Variants in SRCAP observed in about 807,000 individuals in gnomAD.
SRCAP encodes chromatin remodeling protein SRCAP.
In SRCAP, 46 loss-of-function variants were observed where a neutral mutation model predicts 263.1. That is an observed-to-expected ratio of 0.17 (90% CI 0.14 to 0.22). The LOEUF (loss-of-function observed/expected upper bound fraction) is 0.22, where lower values mean the gene tolerates loss of function less well. Among genes scored for constraint, SRCAP ranks in the 10% least tolerant of loss-of-function variants. The probability of loss-of-function intolerance (pLI) is 1.00; values close to 1 mark genes in which losing one functional copy is unlikely to be tolerated. For missense variants in SRCAP, 3,695 were observed against 4,181.9 expected (o/e 0.88, Z 3.21); for synonymous variants, 1,813 against 1,662.1 (o/e 1.09, Z -2.21).
chr16:30,710,732 T>C lies in SRCAP; in HGVS notation c.1135-22T>C, dbSNP rs752528386. 1.9e-6 allele frequency: 3 copies of C among 1,613,134 alleles called. No homozygotes were observed. In the African/African-American group the frequency reaches 4.0e-5, roughly 22 times the overall value. ...GCTACTGTAACCTTAGACCCTTCCC[T>C]TTTTTATCTTTTGCCATACAGATAA... On this transcript the variant is annotated intron_variant, in intron 8 of 33. Coordinates refer to ENST00000262518, the MANE Select transcript of SRCAP (RefSeq NM_006662.3).
rs552005795 is a variant in SRCAP at position 30,705,162 on chromosome 16, G to A, written c.306+847G>A. Among the ~76,000 whole-genome samples the A allele has an allele frequency of 8.1e-4, 124 of 152,258 alleles. 2 individuals carry two copies. Among genetic ancestry groups the A allele is most frequent in the Middle Eastern group, 3.4e-3 (1 of 294 alleles). ...CTAAAAATACAAAAATTAGCCTGGC[G>A]TGGTGGCGCAGGCCTGTAGTCCTAG... is the stretch of plus-strand genomic sequence containing the variant. On this transcript the variant is annotated intron_variant, in intron 4 of 33. Transcript: ENST00000262518.
chr16:30,701,174 A>G (rs1455126017), intron 3 of SRCAP, among the ~76,000 whole-genome samples: 1 of 152,186 alleles, frequency 6.6e-6, no homozygotes, highest in Non-Finnish European at 1.5e-5. Flanking sequence ...AGAATAGTTT[A>G]ACTTCTATCA....
intron 2 of SRCAP, 62 bp from the exon 3 acceptor site, chr16:30,700,554 A>G (rs1395472228): frequency 2.8e-6 from 1 of 357,056 alleles, no homozygotes. Context: ...TTTTTTAAAA[A>G]TACTTTTTCA....
chr16:30,716,730 T>A (rs1192295158), intron 18 of SRCAP, among the ~76,000 whole-genome samples: 1 of 152,218 alleles, frequency 6.6e-6, no homozygotes, highest in South Asian at 2.1e-4. Context: ...TGATTCAGCT[T>A]ACAATTTTTT....
rs2053216356 is a variant in SRCAP, at chr16:30,740,763, TCCTCCTGTTGACTCTGTGCTTA to T, written c.*1035_*1056del. ...GTTCACTCCCTGGGCCCTCCTTGTG[TCCTCCTGTTGACTCTGTGCTTA>T]CCTCATCTGAGTTATTTCTTTGTAT... On this transcript the variant is annotated 3_prime_UTR_variant, in exon 34 of 34. Transcript: ENST00000262518. 2.0e-5 allele frequency: 3 copies of T among 152,234 alleles called. No individual in the cohort carries two copies. Among genetic ancestry groups the T allele is most frequent in the African/African-American group, 7.2e-5 (3 of 41,456 alleles). 9.4% of individuals were successfully genotyped at this position (152,234 alleles called of 1,614,324 possible). A position where few individuals can be genotyped will look rare whatever the true frequency, so the allele number is the denominator to read the frequency against.
Position 30,724,466 on chromosome 16 carries a change from T to C in SRCAP, c.5042T>C (p.Leu1681Pro), listed in dbSNP as rs945468469. ...CCGAGCCCGGCTTCTACGCAGACAC[T>C]GGCCCTAGCCCCAGCTTTAGCACCC... The part of the protein sequence containing the change: ...PLPSPASTQT[L>P]ALAPALAPTL... The change falls in exon 25 of 34, where the codon CTG becomes CCG. Residue 1681 changes from leucine (L) to proline (P), a missense_variant. By Grantham distance (98) the Leu-to-Pro change is moderately conservative. Around this residue, in one of 12 missense-constraint regions of SRCAP, gnomAD observed 1,347 missense variants for 1,304.4 expected, o/e 1.03. Transcript: ENST00000262518. 1.7e-5 allele frequency: 27 copies of C among 1,614,094 alleles called. No individual in the cohort carries two copies. Among genetic ancestry groups the C allele is most frequent in the Non-Finnish European group, 2.2e-5 (26 of 1,180,038 alleles).
intron 4 of SRCAP, 48 bp from the exon 5 acceptor site, chr16:30,707,135 T>A (rs558804928): frequency 5.7e-6 from 9 of 1,587,572 alleles, no homozygotes; most frequent in Non-Finnish European, 7.8e-6. Flanking sequence ...GGCAGTGAGA[T>A]GGAGTGTGTG....
At position 30,737,624 on chromosome 16, in the gene SRCAP, G is replaced by C. The variant is rs776015540; in HGVS notation, c.7584G>C (p.Leu2528Phe). 20 of 1,613,672 alleles carry C rather than the reference G, an allele frequency of 1.2e-5. No individual in the cohort carries two copies. The highest frequency in any genetic ancestry group is 1.5e-5 in the Non-Finnish European group (18 of 1,180,026). The change falls in exon 34 of 34, where the codon TTG becomes TTC. Residue 2528 changes from leucine to phenylalanine, a missense_variant. Leu to Phe is a conservative substitution (Grantham distance 22). This residue lies in a region of SRCAP where 1,207 missense variants were observed against 1,142.9 expected (regional missense o/e 1.06). Transcript: ENST00000262518. ...TTGTAACTCCTTCCTCTCCTCTCTT[G>C]CTTGGTCCACCTTCTGTGCCCATCT... ...TCLVTPSSPL[L>F]LGPPSVPISA...
chr16:30,721,356 C>CCTG lies in SRCAP; in HGVS notation c.3429_3431dup (p.Ala1144dup). 6.2e-7 allele frequency: 1 copy of CCTG among 1,614,156 alleles called. No individual in the cohort carries two copies. The highest frequency in any genetic ancestry group is 8.5e-7 in the Non-Finnish European group (1 of 1,180,042). On this transcript the variant is annotated inframe_insertion, in exon 21 of 34. Coordinates refer to ENST00000262518, the MANE Select transcript of SRCAP (RefSeq NM_006662.3). ...AGTGCCACCAGGCTACACCTTCCCT[C>CCTG]CTGCTGCTGCCACCACCACTTCTAC...
chr16:30,733,887 C>G lies in SRCAP; in HGVS notation c.6495-7C>G. On this transcript the variant is annotated splice_polypyrimidine_tract_variant and splice_region_variant and intron_variant, in intron 29 of 33. Transcript: ENST00000262518. The surrounding 1 kb of genome is among the most constrained non-coding windows in gnomAD (Gnocchi z 5.3). ...GCTGCTTACACACGGCCTTCATCAC[C>G]CCCTAGGCTTATCAGTGAACGGACA... 1 of 1,613,914 alleles carries G rather than the reference C, an allele frequency of 6.2e-7. No homozygotes were observed. Among genetic ancestry groups the G allele is most frequent in the Non-Finnish European group, 8.5e-7 (1 of 1,179,896 alleles).
intron 1 of SRCAP, 142 bp downstream of exon 1, chr16:30,699,384 T>A: frequency 2.5e-6 from 1 of 393,928 alleles, no homozygotes; most frequent in East Asian, 3.6e-5. Flanking sequence ...CGCGTGGTTC[T>A]TGGCAGTGCG....
chr16:30,733,712 T>C lies in SRCAP; in HGVS notation c.6408T>C (p.Tyr2136=). 2 of 1,614,212 alleles carry C rather than the reference T, an allele frequency of 1.2e-6. No homozygotes were observed. The highest frequency in any genetic ancestry group is 1.7e-6 in the Non-Finnish European group (2 of 1,180,044). Residue 2136 remains tyrosine, a synonymous_variant, in exon 29 of 34, where the codon TAT becomes TAC. Coordinates refer to ENST00000262518, the MANE Select transcript of SRCAP (RefSeq NM_006662.3). This position sits in a 1 kb window ranked among gnomAD's most constrained non-coding sequence, Gnocchi z 5.3. ...CAGGAGCAGACACTGTTGTTTTTTATGACAGCGACTGGAATCCCACCATGG... is the reference window on the plus strand; with the variant it reads ...CAGGAGCAGACACTGTTGTTTTTTACGACAGCGACTGGAATCCCACCATGG... ...NLTGADTVVF[Y]DSDWNPTMDA...
rs1481223252 is a variant in SRCAP at position 30,739,095 on chromosome 16, C to T, written c.9055C>T (p.Pro3019Ser). Residue 3019 changes from proline to serine, a missense_variant, in exon 34 of 34, where the codon CCC (proline) becomes TCC (serine). Pro to Ser is a moderately conservative substitution (Grantham distance 74). Coordinates refer to ENST00000262518, the MANE Select transcript of SRCAP (RefSeq NM_006662.3). ...TCCCAAGAATCCTCCATCACCTCGG[C>T]CCAGCCAGCTCCCCGTCTTGGACCG... ...RPPKNPPSPR[P>S]SQLPVLDRDS... The T allele has an allele frequency of 6.2e-7, 1 of 1,614,230 alleles. No individual in the cohort carries two copies.
Position 30,709,627 on chromosome 16 carries a change from A to C in SRCAP, c.748A>C (p.Ser250Arg). The change falls in exon 7 of 34, where the codon AGC (serine) becomes CGC (arginine). Residue 250 changes from serine to arginine, a missense_variant. Coordinates refer to ENST00000262518, the MANE Select transcript of SRCAP (RefSeq NM_006662.3). The part of the protein sequence containing the change: ...TEKYSDLLSQ[S>R]LNQPLTSSKA... ...AAAGTACTCGGACCTTCTGTCTCAG[A>C]GCCTCAACCAGCCATTAACCTCCAG... The C allele has an allele frequency of 6.2e-7, 1 of 1,614,160 alleles. No individual in the cohort carries two copies. The highest frequency in any genetic ancestry group is 8.5e-7 in the Non-Finnish European group (1 of 1,180,028).
chr16:30,737,291 C>T lies in SRCAP; in HGVS notation c.7251C>T (p.Ala2417=). The T allele has an allele frequency of 6.2e-6, 10 of 1,614,024 alleles. No individual in the cohort carries two copies. The South Asian group carries it at 1.1e-4, about 18-fold the overall frequency. The change falls in exon 34 of 34, where the codon GCC becomes GCT. Residue 2417 remains alanine, a synonymous_variant. Transcript: ENST00000262518. ...CAAACCACACTCCTGTCATATCCGC[C>T]CATCAAACTCGCAGCACCACCACAC... ...QGANHTPVIS[A]HQTRSTTTPP... is the part of the protein sequence containing the mutation.
chr16:30,706,606 T>C (rs953855858), intron 4 of SRCAP, among the ~76,000 whole-genome samples: 7 of 152,234 alleles, frequency 4.6e-5, no homozygotes, highest in African/African-American at 1.7e-4. Context: ...ATTTCACGTA[T>C]AACGTTTCAG....
At chr16:30,717,110 C>T (rs959553880) in intron 18 of SRCAP, among the ~76,000 whole-genome samples, 7 of 152,096 alleles carry the variant, frequency 4.6e-5, no homozygotes, top group East Asian at 1.9e-4. Flanking sequence ...TTGCCATTAC[C>T]TGTTATTTCT....
At chr16:30,711,186 G>A in intron 10 of SRCAP, 98 bp downstream of exon 10, 1 of 888,954 alleles carries the variant, frequency 1.1e-6, no homozygotes, top group Non-Finnish European at 1.8e-6. Context: ...TATCCACCCT[G>A]GAGGAATTCC....
chr16:30,712,893 T>C, intron 14 of SRCAP, 78 bp downstream of exon 14: 1 of 1,520,328 alleles, frequency 6.6e-7, no homozygotes, highest in East Asian at 2.3e-5. Flanking sequence ...GTGAATTCCT[T>C]TCTCTCCTCT....
Sources: allele counts gnomAD v4.1 joint callset (sites outside exome capture counted in the v4.1 genomes callset), GRCh38; gene constraint gnomAD v4.1.1; regional missense constraint gnomAD v4.1.1; non-coding constraint Gnocchi (gnomAD v3.1); transcripts MANE v1.5; gene names NCBI Gene and HGNC (gene_info 2026-07-23, HGNC 2026-07-21).